Variants in SOS1 observed in about 807,000 individuals in gnomAD.
The protein encoded by SOS1 is son of sevenless homolog 1.
A neutral mutation model predicts 157.6 loss-of-function variants in SOS1; 25 were observed. The observed-to-expected ratio is 0.16, with a 90% confidence interval of 0.12 to 0.22. SOS1 has a LOEUF of 0.22. SOS1 is among the 10% of genes least tolerant of loss of function. The pLI is 1.00. For synonymous variants in SOS1, 528 were observed against 534.0 expected (o/e 0.99, Z 0.16); for missense variants, 1,237 against 1,599.1 (o/e 0.77, Z 3.86).
At chr2:39,086,675 T>C (rs1185656277) in intron 1 of SOS1, among the ~76,000 whole-genome samples, 2 of 152,214 alleles carry the variant, frequency 1.3e-5, no homozygotes, top group African/African-American at 4.8e-5. Flanking sequence ...ACAGGAACAC[T>C]AGAAACGGCT....
intron 1 of SOS1, among the ~76,000 whole-genome samples, chr2:39,102,695 A>AGCTG (rs1673017243): frequency 6.6e-6 from 1 of 152,190 alleles, no homozygotes; most frequent in Non-Finnish European, 1.5e-5. Flanking sequence ...CCATAATCCC[A>AGCTG]GCACTTTGGG....
chr2:39,095,397 G>C (rs1048994148), intron 1 of SOS1, among the ~76,000 whole-genome samples: 8 of 152,160 alleles, frequency 5.3e-5, no homozygotes, highest in African/African-American at 1.9e-4. Context: ...CTATGATTAA[G>C]CTAGGGGAAA....
intron 9 of SOS1, 119 bp downstream of exon 9, chr2:39,023,891 C>A (rs1669876956): frequency 1.4e-6 from 1 of 718,334 alleles, no homozygotes; most frequent in African/African-American, 1.8e-5. Flanking sequence ...CTCTAAAAGA[C>A]CAGGCTTGTC....
chr2:39,039,664 T>C (rs1451012031), intron 6 of SOS1, among the ~76,000 whole-genome samples: 2 of 152,222 alleles, frequency 1.3e-5, no homozygotes, highest in Admixed American at 6.5e-5. Flanking sequence ...AAAAGCTTTA[T>C]TGAGATAAAA....
At chr2:39,043,882 G>A (rs1399551514) in intron 6 of SOS1, among the ~76,000 whole-genome samples, 1 of 152,124 alleles carries the variant, frequency 6.6e-6, no homozygotes, top group South Asian at 2.1e-4. Flanking sequence ...GGGACACATT[G>A]AAACCACAGC....
intron 10 of SOS1, among the ~76,000 whole-genome samples, chr2:39,022,256 A>G (rs1209787328): frequency 6.6e-6 from 1 of 151,868 alleles, no homozygotes; most frequent in Non-Finnish European, 1.5e-5. Flanking sequence ...AGGAGTAAAA[A>G]ACTTTTTAGA....
At chr2:39,047,161 C>T (rs954401835) in intron 6 of SOS1, among the ~76,000 whole-genome samples, 3 of 152,144 alleles carry the variant, frequency 2.0e-5, no homozygotes, top group Non-Finnish European at 4.4e-5. Context: ...ATACATGTTT[C>T]TGAACTTCCC....
intron 1 of SOS1, among the ~76,000 whole-genome samples, chr2:39,085,941 T>C (rs753519121): frequency 5.7e-4 from 87 of 152,340 alleles, no homozygotes; most frequent in African/African-American, 1.1e-3. Context: ...AGTATAACTA[T>C]GTAAGAGGCA....
chr2:39,078,877 T>C (rs1672107671), intron 1 of SOS1, among the ~76,000 whole-genome samples: 1 of 151,924 alleles, frequency 6.6e-6, no homozygotes, highest in Non-Finnish European at 1.5e-5. Context: ...CTGGCCAACA[T>C]GGTGAAACCC....
At chr2:39,079,801 T>C (rs372042381) in intron 1 of SOS1, among the ~76,000 whole-genome samples, 1 of 152,082 alleles carries the variant, frequency 6.6e-6, no homozygotes, top group East Asian at 1.9e-4. Context: ...CCAGAAATAC[T>C]TCATTTTTTA....
intron 8 of SOS1, among the ~76,000 whole-genome samples, chr2:39,024,531 A>T (rs1052028558): frequency 1.3e-5 from 2 of 151,650 alleles, no homozygotes; most frequent in African/African-American, 4.8e-5. Flanking sequence ...TCTGACCCCT[A>T]TATTATTGTT....
At chr2:39,086,574 G>A (rs1483534021) in intron 1 of SOS1, among the ~76,000 whole-genome samples, 1 of 152,100 alleles carries the variant, frequency 6.6e-6, no homozygotes, top group Admixed American at 6.6e-5. Flanking sequence ...AATAAGAAGT[G>A]GTTAGATATT....
intron 1 of SOS1, among the ~76,000 whole-genome samples, chr2:39,075,363 A>G (rs1671933789): frequency 6.6e-6 from 1 of 152,234 alleles, no homozygotes; most frequent in African/African-American, 2.4e-5. Flanking sequence ...TTCAAGTTTG[A>G]CATATGAATT....
chr2:39,103,920 A>G (rs1208360360), intron 1 of SOS1, among the ~76,000 whole-genome samples: 1 of 152,236 alleles, frequency 6.6e-6, no homozygotes, highest in Non-Finnish European at 1.5e-5. Context: ...TAAAGGTCTA[A>G]TATCAAGAAT....
chr2:39,059,052 C>T (rs1025203005), intron 2 of SOS1, among the ~76,000 whole-genome samples: 10 of 152,060 alleles, frequency 6.6e-5, no homozygotes, highest in African/African-American at 2.2e-4. Flanking sequence ...ATTTCAACTT[C>T]ACTGTGATAA....
At chr2:39,046,105 T>C (rs960733037) in intron 6 of SOS1, among the ~76,000 whole-genome samples, 26 of 152,168 alleles carry the variant, frequency 1.7e-4, no homozygotes, top group African/African-American at 6.0e-4. Flanking sequence ...TGTAGTTGGA[T>C]TTTTTTATAT....
intron 1 of SOS1, among the ~76,000 whole-genome samples, chr2:39,089,469 T>A (rs1438176068): frequency 1.4e-5 from 2 of 147,888 alleles, no homozygotes; most frequent in East Asian, 2.0e-4. Flanking sequence ...GAGGTGGAGG[T>A]TGCAGTGAGC....
At chr2:39,093,999 A>G (rs150273247) in intron 1 of SOS1, among the ~76,000 whole-genome samples, 105 of 152,320 alleles carry the variant, frequency 6.9e-4, no homozygotes, top group African/African-American at 2.3e-3. Flanking sequence ...TGAATGTAGG[A>G]GGCTGAGTTT....
intron 17 of SOS1, among the ~76,000 whole-genome samples, chr2:38,998,904 A>C (rs989986147): frequency 2.6e-5 from 4 of 152,060 alleles, no homozygotes; most frequent in Non-Finnish European, 4.4e-5. Context: ...GATGAGAAAG[A>C]CCTCCAGCAG....
Sources: gnomAD v4.1 joint callset for allele counts (sites outside exome capture counted in the v4.1 genomes callset) on GRCh38, gnomAD v4.1.1 for gene constraint, MANE v1.5 for transcripts, NCBI Gene and HGNC (gene_info 2026-07-23, HGNC 2026-07-21) for gene names.